SYNE3: variants seen among roughly 807,000 people sequenced by gnomAD.
SYNE3 encodes spectrin repeat containing nuclear envelope family member 3.
Under a neutral mutation model 111.2 loss-of-function variants are expected in SYNE3, and 100 were observed. The observed-to-expected ratio is 0.90, with a 90% CI of 0.77 to 1.06. The LOEUF (loss-of-function observed/expected upper bound fraction) is 1.06. Among genes scored for constraint, SYNE3 ranks in the 50% least tolerant of loss-of-function variants. The pLI, the probability that SYNE3 is intolerant of heterozygous loss-of-function variation, is 0.00. For missense variants in SYNE3, 1,160 were observed against 1,240.3 expected (o/e 0.94, Z 0.97); for synonymous variants, 547 against 533.9 (o/e 1.02, Z -0.34).
chr14:95,470,179 T>C lies in SYNE3; in HGVS notation c.145-2212A>G, dbSNP rs1421759366. On this transcript the variant is annotated intron_variant, in intron 2 of 17. Coordinates refer to ENST00000682763, the MANE Select transcript of SYNE3 (RefSeq NM_152592.6). The surrounding 1 kb of genome is among the most constrained non-coding windows in gnomAD (Gnocchi z 4.2). Reference sequence around the variant, plus strand: ...AGTGATGGGGAAAACAAAAGTACCATAGTGGCCAGTGTGGCCTGAAGACCC... The same window carrying C: ...AGTGATGGGGAAAACAAAAGTACCACAGTGGCCAGTGTGGCCTGAAGACCC... Among the ~76,000 whole-genome samples, 11 of 152,062 alleles carry C rather than the reference T, an allele frequency of 7.2e-5. No individual in the cohort carries two copies. The highest frequency in any genetic ancestry group is 5.9e-4 in the Admixed American group (9 of 15,280).
intron 1 of SYNE3, among the ~76,000 whole-genome samples, chr14:95,514,981 A>C (rs1231953463): frequency 1.3e-5 from 2 of 152,234 alleles, no homozygotes; most frequent in Non-Finnish European, 2.9e-5. Context: ...GTTCCCATGG[A>C]GACAGACAGA....
At chr14:95,482,058 C>T (rs1045145764) in intron 1 of SYNE3, among the ~76,000 whole-genome samples, 1 of 152,258 alleles carries the variant, frequency 6.6e-6, no homozygotes, top group African/African-American at 2.4e-5. Flanking sequence ...CTTTGCAATG[C>T]CACTGGTGAG....
chr14:95,507,932 C>T (rs890268117), intron 1 of SYNE3, among the ~76,000 whole-genome samples: 13 of 152,184 alleles, frequency 8.5e-5, no homozygotes, highest in African/African-American at 3.1e-4. Context: ...GTGTTCCTAG[C>T]CCATGTGACA....
rs147174281 is a variant in SYNE3, at chr14:95,512,448, G to A, written c.-15+4148C>T. On this transcript the variant is annotated intron_variant, in intron 1 of 17. Transcript: ENST00000682763. ...ACATGCCTGTAATCCCAGCTACTCA[G>A]GAGGCTGAGGCAGAACAATGGCTTG... Among the ~76,000 whole-genome samples, 89 of 152,318 alleles carry A rather than the reference G, an allele frequency of 5.8e-4. 1 individual carries two copies. In the East Asian group the frequency reaches 0.016, roughly 27 times the overall value.
rs1266271487 is a variant in SYNE3, at chr14:95,409,305, T to C, written c.*8521A>G. On this transcript the variant is annotated 3_prime_UTR_variant, in exon 18 of 18. Transcript: ENST00000682763. ...TAGCACAGGCTTTTTGAAAGTGTCA[T>C]GACCATATTGCAGGCGCTCGGGGTA... 4.4e-6 allele frequency: 2 copies of C among 456,652 alleles called. No individual in the cohort carries two copies. The highest frequency in any genetic ancestry group is 3.1e-5 in the South Asian group (2 of 64,580). 28.3% of individuals were successfully genotyped at this position (456,652 alleles called of 1,614,324 possible). A position where few individuals can be genotyped will look rare whatever the true frequency, so the allele number is the denominator to read the frequency against.
At chr14:95,443,586 T>C (rs537882250) in intron 10 of SYNE3, 15 of 339,480 alleles carry the variant, frequency 4.4e-5, no homozygotes, top group African/African-American at 2.7e-4. Context: ...TCATACTTGA[T>C]GACCACCTCT....
rs1211450 is a variant in SYNE3 at position 95,423,644 on chromosome 14, T to A, written c.2728-5618A>T. ...GGATGGGGATTTGATGGGGATGGGGTTTTGATGGGGATGGGGATTTGATGG... is the reference window on the plus strand; with the variant it reads ...GGATGGGGATTTGATGGGGATGGGGATTTGATGGGGATGGGGATTTGATGG... On this transcript the variant is annotated intron_variant, in intron 17 of 17. Coordinates refer to ENST00000682763, the MANE Select transcript of SYNE3 (RefSeq NM_152592.6). Among the ~76,000 whole-genome samples the A allele has an allele frequency of 5.1e-3, 179 of 35,128 alleles. 26 individuals carry two copies. Among genetic ancestry groups the A allele is most frequent in the African/African-American group, 8.7e-3 (87 of 9,986 alleles). 23.0% of individuals were successfully genotyped at this position (35,128 alleles called of 152,430 possible). A position where few individuals can be genotyped will look rare whatever the true frequency, so the allele number is the denominator to read the frequency against.
chr14:95,495,718 T>C (rs959629449), intron 1 of SYNE3, among the ~76,000 whole-genome samples: 1 of 152,194 alleles, frequency 6.6e-6, no homozygotes, highest in Non-Finnish European at 1.5e-5. Context: ...GTCGGCAGAA[T>C]GAGGAAGTGA....
chr14:95,434,778 C>T (rs1487099053), intron 15 of SYNE3, among the ~76,000 whole-genome samples: 1 of 152,228 alleles, frequency 6.6e-6, no homozygotes, highest in Non-Finnish European at 1.5e-5. Flanking sequence ...CTGCCTTAGC[C>T]TCCCGAATAG....
At chr14:95,467,746 G>C in intron 3 of SYNE3, 49 bp downstream of exon 3, 1 of 1,608,154 alleles carries the variant, frequency 6.2e-7, no homozygotes, top group Non-Finnish European at 8.5e-7. Context: ...TGTCACAGTG[G>C]GCAAGGAGGG....
At chr14:95,449,348 C>T (rs1185706523) in intron 8 of SYNE3, 3 of 820,690 alleles carry the variant, frequency 3.7e-6, no homozygotes, top group Middle Eastern at 6.2e-4. Flanking sequence ...GGGGAGTGTG[C>T]GGGTGTCAGG....
At chr14:95,427,112 A>T (rs1885475975) in intron 17 of SYNE3, among the ~76,000 whole-genome samples, 1 of 152,072 alleles carries the variant, frequency 6.6e-6, no homozygotes. Context: ...CAGAGATAGG[A>T]GCTGAGGGGA....
At chr14:95,437,060 C>G (rs531490074) in intron 14 of SYNE3, 79 bp from the exon 15 acceptor site, 1 of 1,582,030 alleles carries the variant, frequency 6.3e-7, no homozygotes, top group African/African-American at 1.3e-5. Flanking sequence ...CCACCTGAGG[C>G]AGAGGGGCAG....
At chr14:95,421,372 G>T (rs1885119138) in intron 17 of SYNE3, among the ~76,000 whole-genome samples, 1 of 152,126 alleles carries the variant, frequency 6.6e-6, no homozygotes, top group Admixed American at 6.5e-5. Flanking sequence ...GGGATCGCAG[G>T]CTAGAGTTCA....
chr14:95,463,793 G>A (rs932104314), intron 4 of SYNE3, among the ~76,000 whole-genome samples: 2 of 152,266 alleles, frequency 1.3e-5, no homozygotes, highest in Admixed American at 1.3e-4. Context: ...TCAAACTGCA[G>A]GGGTGGAGTT....
At chr14:95,442,815 C>T (rs1395986325) in intron 11 of SYNE3, among the ~76,000 whole-genome samples, 1 of 152,208 alleles carries the variant, frequency 6.6e-6, no homozygotes, top group African/African-American at 2.4e-5. Flanking sequence ...TCTTCTTTTG[C>T]CGCTTGGCCC....
At chr14:95,497,854 C>CA (rs1281300820) in intron 1 of SYNE3, among the ~76,000 whole-genome samples, 14 of 151,924 alleles carry the variant, frequency 9.2e-5, no homozygotes, top group Non-Finnish European at 2.1e-4. Flanking sequence ...CAAAAACTGT[C>CA]AAAAAAAGAT....
rs1302216528 is a variant in SYNE3 at position 95,407,531 on chromosome 14, C to T, written c.*10295G>A. ...TGAACCGAGATAACACACACATGTTCCGAGACAGTCGTTTGGCTCCAATAC... is the reference window on the plus strand; with the variant it reads ...TGAACCGAGATAACACACACATGTTTCGAGACAGTCGTTTGGCTCCAATAC... On this transcript the variant is annotated 3_prime_UTR_variant, in exon 18 of 18. Transcript: ENST00000682763. The T allele has an allele frequency of 6.6e-6, 1 of 152,130 alleles. No homozygotes were observed. Among genetic ancestry groups the T allele is most frequent in the Non-Finnish European group, 1.5e-5 (1 of 68,026 alleles). 9.4% of individuals were successfully genotyped at this position (152,130 alleles called of 1,614,324 possible).
At chr14:95,492,173 G>T (rs1047442840) in intron 1 of SYNE3, among the ~76,000 whole-genome samples, 1 of 152,204 alleles carries the variant, frequency 6.6e-6, no homozygotes, top group Admixed American at 6.5e-5. Flanking sequence ...TATGCTGCTG[G>T]TAGAAACAGA....
Sources: gnomAD v4.1 joint callset for allele counts (sites outside exome capture counted in the v4.1 genomes callset) on GRCh38, gnomAD v4.1.1 for gene constraint, Gnocchi (gnomAD v3.1) non-coding constraint, MANE v1.5 for transcripts, NCBI Gene and HGNC (gene_info 2026-07-23, HGNC 2026-07-21) for gene names.